ARFGEF3: variants seen among roughly 807,000 people sequenced by gnomAD.
ARFGEF3 encodes brefeldin A-inhibited guanine nucleotide-exchange protein 3.
Under a neutral mutation model 221.7 loss-of-function variants are expected in ARFGEF3, and 96 were observed. The ratio of observed to expected loss-of-function variants is 0.43; its 90% CI spans 0.37 to 0.51. The LOEUF (loss-of-function observed/expected upper bound fraction) is 0.51, where lower values mean the gene tolerates loss of function less well. Ranked by LOEUF, ARFGEF3 falls within the 20% of genes least tolerant of loss-of-function variation. ARFGEF3 has a pLI of 0.00. For missense variants in ARFGEF3, 2,410 were observed against 2,789.9 expected (o/e 0.86, Z 3.07); for synonymous variants, 1,145 against 1,126.8 (o/e 1.02, Z -0.32).
At chr6:138,308,640 A>C in intron 23 of ARFGEF3, 99 bp from the exon 24 acceptor site, 8 of 1,316,456 alleles carry the variant, frequency 6.1e-6, no homozygotes, top group Non-Finnish European at 8.6e-6. Flanking sequence ...ATCTTTCTCA[A>C]GATCTGTCTC....
rs543224574 is a variant in ARFGEF3, at chr6:138,253,328, C to T, written c.666-552C>T. 2.0e-5 allele frequency among the ~76,000 whole-genome samples: 3 copies of T among 150,046 alleles called. No homozygotes were observed. The East Asian group carries it at 6.0e-4, about 30-fold the overall frequency. Reference sequence around the variant, plus strand: ...AGTTTATTAGTTAAAAAAAAAAAATCACCCCAACTGTATTATCTTGCTGAG... The same window carrying T: ...AGTTTATTAGTTAAAAAAAAAAAATTACCCCAACTGTATTATCTTGCTGAG... On this transcript the variant is annotated intron_variant, in intron 8 of 33. Coordinates refer to ENST00000251691, the MANE Select transcript of ARFGEF3 (RefSeq NM_020340.5).
At chr6:138,279,886 C>G (rs1216543812) in intron 13 of ARFGEF3, 113 bp from the exon 14 acceptor site, 1 of 1,032,538 alleles carries the variant, frequency 9.7e-7, no homozygotes, top group African/African-American at 1.6e-5. Context: ...ACCCAATACA[C>G]AAGCCTTGGT....
rs1297381245 is a variant in ARFGEF3, at chr6:138,291,299, G to C, written c.3048-434G>C. Among the ~76,000 whole-genome samples the C allele has an allele frequency of 2.0e-5, 3 of 152,128 alleles. No individual in the cohort carries two copies. The highest frequency in any genetic ancestry group is 4.4e-5 in the Non-Finnish European group (3 of 68,014). On this transcript the variant is annotated intron_variant, in intron 18 of 33. Coordinates refer to ENST00000251691, the MANE Select transcript of ARFGEF3 (RefSeq NM_020340.5). The surrounding 1 kb of genome is among the most constrained non-coding windows in gnomAD (Gnocchi z 4.5). Reference sequence around the variant, plus strand: ...GTGGCTAGTTGGCCTCTCCGTCATAGGTATAGCCATTCTGGGATCCCATCG... The same window carrying C: ...GTGGCTAGTTGGCCTCTCCGTCATACGTATAGCCATTCTGGGATCCCATCG...
chr6:138,204,332 C>T (rs923238923), intron 2 of ARFGEF3, among the ~76,000 whole-genome samples: 35 of 130,950 alleles, frequency 2.7e-4, no homozygotes, highest in African/African-American at 9.8e-4. Context: ...GAATGAAACT[C>T]CATCTCCAAA....
chr6:138,169,795 C>T (rs1437534129), intron 1 of ARFGEF3, among the ~76,000 whole-genome samples: 2 of 152,232 alleles, frequency 1.3e-5, no homozygotes, highest in Non-Finnish European at 2.9e-5. Flanking sequence ...CCATATCAAG[C>T]CCAGATCCTA....
At chr6:138,233,811 C>T (rs1007682100) in intron 5 of ARFGEF3, among the ~76,000 whole-genome samples, 2 of 152,156 alleles carry the variant, frequency 1.3e-5, no homozygotes, top group African/African-American at 2.4e-5. Flanking sequence ...CTATTTATCT[C>T]GGAAGCACCT....
chr6:138,300,293 C>T (rs181304276), intron 22 of ARFGEF3, among the ~76,000 whole-genome samples: 1 of 152,208 alleles, frequency 6.6e-6, no homozygotes, highest in Admixed American at 6.5e-5. Context: ...ATAGTTATCT[C>T]CTAGATAGTT....
rs991890236 is a variant in ARFGEF3 at position 138,342,998 on chromosome 6, G to A, written c.*6512G>A. 2.0e-5 allele frequency: 3 copies of A among 152,170 alleles called. No homozygotes were observed. The highest frequency in any genetic ancestry group is 2.9e-5 in the Non-Finnish European group (2 of 68,038). 9.4% of individuals were successfully genotyped at this position (152,170 alleles called of 1,614,324 possible). On this transcript the variant is annotated 3_prime_UTR_variant, in exon 34 of 34. Coordinates refer to ENST00000251691, the MANE Select transcript of ARFGEF3 (RefSeq NM_020340.5). Reference sequence around the variant, plus strand: ...TGTTTGTGCACATATCTACATGGTGGAGACCATATTCATTATTTCATCTTC... The same window carrying A: ...TGTTTGTGCACATATCTACATGGTGAAGACCATATTCATTATTTCATCTTC...
chr6:138,302,228 C>T (rs1004848628), intron 22 of ARFGEF3, among the ~76,000 whole-genome samples: 1 of 151,816 alleles, frequency 6.6e-6, no homozygotes, highest in African/African-American at 2.4e-5. Flanking sequence ...GACAATGACT[C>T]AAAAATAAGG....
At chr6:138,297,303 G>A (rs1178732188) in intron 21 of ARFGEF3, among the ~76,000 whole-genome samples, 1 of 152,156 alleles carries the variant, frequency 6.6e-6, no homozygotes, top group Non-Finnish European at 1.5e-5. Context: ...ATATAACAAT[G>A]TCTTTGGTTC....
chr6:138,203,831 C>G (rs537361427), intron 2 of ARFGEF3, among the ~76,000 whole-genome samples: 1 of 151,850 alleles, frequency 6.6e-6, no homozygotes, highest in African/African-American at 2.4e-5. Flanking sequence ...TTAGTAGAGA[C>G]GGGGTTTCAC....
chr6:138,314,112 G>A (rs764132565), intron 26 of ARFGEF3, among the ~76,000 whole-genome samples, 173 bp downstream of exon 26: 4 of 152,152 alleles, frequency 2.6e-5, no homozygotes, highest in Non-Finnish European at 4.4e-5. Context: ...CAGTTCTGGA[G>A]GCTGAGAAGC....
intron 14 of ARFGEF3, among the ~76,000 whole-genome samples, chr6:138,281,561 T>C (rs1352597245): frequency 2.0e-5 from 3 of 152,224 alleles, no homozygotes; most frequent in Admixed American, 6.5e-5. Context: ...TGAGAACATA[T>C]GGCATTTGGT....
At chr6:138,183,475 A>C (rs1777120537) in intron 2 of ARFGEF3, among the ~76,000 whole-genome samples, 1 of 152,112 alleles carries the variant, frequency 6.6e-6, no homozygotes, top group Admixed American at 6.5e-5. Flanking sequence ...GTTCAGTTCT[A>C]CATGTTAACG....
intron 4 of ARFGEF3, among the ~76,000 whole-genome samples, chr6:138,219,199 T>A (rs1431771479): frequency 6.6e-6 from 1 of 152,134 alleles, no homozygotes; most frequent in African/African-American, 2.4e-5. Context: ...ACTATTTGAG[T>A]TGGACTTTGA....
At chr6:138,206,034 G>C (rs1370623320) in intron 2 of ARFGEF3, among the ~76,000 whole-genome samples, 4 of 152,202 alleles carry the variant, frequency 2.6e-5, no homozygotes, top group Non-Finnish European at 4.4e-5. Context: ...GTCTAATGTG[G>C]TAGCTTTCAC....
At chr6:138,324,570 T>C (rs1780095569) in intron 31 of ARFGEF3, among the ~76,000 whole-genome samples, 1 of 152,234 alleles carries the variant, frequency 6.6e-6, no homozygotes, top group Non-Finnish European at 1.5e-5. Context: ...TAAAAGTTGC[T>C]TAATAAATTT....
chr6:138,216,094 C>G (rs1777847578), intron 4 of ARFGEF3: 1 of 152,058 alleles, frequency 6.6e-6, no homozygotes, highest in South Asian at 2.1e-4. Flanking sequence ...TTCTCCGCCT[C>G]AGCCTCCTGA....
intron 2 of ARFGEF3, among the ~76,000 whole-genome samples, chr6:138,205,118 T>C (rs867000257): frequency 3.9e-4 from 60 of 152,218 alleles, no homozygotes; most frequent in African/African-American, 1.3e-3. Flanking sequence ...GGCGAACATA[T>C]TGCTGCTTTC....
Sources: allele counts gnomAD v4.1 joint callset (sites outside exome capture counted in the v4.1 genomes callset), GRCh38; gene constraint gnomAD v4.1.1; non-coding constraint Gnocchi (gnomAD v3.1); transcripts MANE v1.5; gene names NCBI Gene and HGNC (gene_info 2026-07-23, HGNC 2026-07-21).